LAMA2: variants seen among roughly 807,000 people sequenced by gnomAD.
The protein encoded by LAMA2 is laminin subunit alpha 2.
A neutral mutation model predicts 364.8 loss-of-function variants in LAMA2; 269 were observed. The ratio of observed to expected loss-of-function variants is 0.74; its 90% confidence interval spans 0.67 to 0.82. The LOEUF (loss-of-function observed/expected upper bound fraction) is 0.82. Ranked by LOEUF, LAMA2 falls within the 40% of genes least tolerant of loss-of-function variation. The pLI is 0.00. For synonymous variants in LAMA2, 1,379 were observed against 1,370.6 expected, an observed-to-expected ratio of 1.01 and a Z score of -0.14; for missense variants, 3,807 against 3,873.2, an observed-to-expected ratio of 0.98 and a Z score of 0.45.
intron 55 of LAMA2, 68 bp downstream of exon 55, chr6:129,481,507 T>A: frequency 7.7e-7 from 1 of 1,306,396 alleles, no homozygotes; most frequent in Non-Finnish European, 1.1e-6. Context: ...CTTACTTTTG[T>A]ATTTTTAGTT....
intron 22 of LAMA2, among the ~76,000 whole-genome samples, chr6:129,312,349 C>T (rs1774280465): frequency 2.0e-5 from 3 of 152,038 alleles, no homozygotes; most frequent in Admixed American, 6.6e-5. Context: ...CCTTGGATTC[C>T]CCAAGTCTAG....
intron 1 of LAMA2, among the ~76,000 whole-genome samples, chr6:128,900,406 C>G (rs1362235205): frequency 1.3e-5 from 2 of 151,970 alleles, no homozygotes; most frequent in Admixed American, 1.3e-4. Context: ...GTGCCTGGCA[C>G]CTAGCATGGT....
chr6:129,119,710 G>C (rs1321169894), intron 4 of LAMA2, among the ~76,000 whole-genome samples: 1 of 152,048 alleles, frequency 6.6e-6, no homozygotes, highest in African/African-American at 2.4e-5. Flanking sequence ...ACCACGCCTG[G>C]CTAATTTTTT....
intron 36 of LAMA2, 135 bp downstream of exon 36, chr6:129,391,788 C>T: frequency 1.4e-6 from 1 of 694,468 alleles, no homozygotes; most frequent in Non-Finnish European, 2.5e-6. Context: ...GCTATGTTAT[C>T]TATCATCTAT....
intron 1 of LAMA2, among the ~76,000 whole-genome samples, chr6:129,022,999 AT>A (rs2114717911): frequency 6.6e-6 from 1 of 152,144 alleles, no homozygotes; most frequent in East Asian, 1.9e-4. Context: ...TTATATCTTG[AT>A]ATGTCACCCT....
At chr6:129,082,598 C>T (rs753226098) in intron 3 of LAMA2, among the ~76,000 whole-genome samples, 2 of 152,044 alleles carry the variant, frequency 1.3e-5, no homozygotes, top group Non-Finnish European at 2.9e-5. Flanking sequence ...CAAAATGAGA[C>T]TCTAATTTAT....
At chr6:129,489,838 A>C (rs1382758137) in intron 56 of LAMA2, among the ~76,000 whole-genome samples, 2 of 152,214 alleles carry the variant, frequency 1.3e-5, no homozygotes, top group Admixed American at 1.3e-4. Context: ...TGGTTTTAAA[A>C]AAAATCTTAA....
chr6:129,290,130 C>T (rs962572963), intron 19 of LAMA2, among the ~76,000 whole-genome samples: 24 of 151,890 alleles, frequency 1.6e-4, no homozygotes, highest in Admixed American at 2.6e-4. Context: ...GTTGTTTTTA[C>T]GATAACATTA....
At chr6:129,057,076 A>G (rs1366913753) in intron 2 of LAMA2, among the ~76,000 whole-genome samples, 1 of 152,156 alleles carries the variant, frequency 6.6e-6, no homozygotes, top group African/African-American at 2.4e-5. Flanking sequence ...AGATGATTTT[A>G]CTTTCTATCA....
chr6:129,217,309 T>C (rs1783492226), intron 12 of LAMA2, among the ~76,000 whole-genome samples: 1 of 152,180 alleles, frequency 6.6e-6, no homozygotes, highest in Admixed American at 6.5e-5. Context: ...CCCAACATGT[T>C]TTCTATAATC....
intron 1 of LAMA2, among the ~76,000 whole-genome samples, chr6:128,931,192 G>A (rs920672162): frequency 5.9e-5 from 9 of 152,116 alleles, no homozygotes; most frequent in Non-Finnish European, 8.8e-5. Flanking sequence ...TCAAACAAAA[G>A]AAATTTATCA....
chr6:129,171,239 C>T (rs1780130531), intron 9 of LAMA2, among the ~76,000 whole-genome samples: 1 of 152,050 alleles, frequency 6.6e-6, no homozygotes, highest in South Asian at 2.1e-4. Flanking sequence ...GGTTATTTTG[C>T]TCGTTAGTTG....
Position 129,121,715 on chromosome 6 carries a change from A to T in LAMA2, c.640-22186A>T, listed in dbSNP as rs1159178463. Among the ~76,000 whole-genome samples the T allele has an allele frequency of 3.9e-5, 6 of 152,210 alleles. No individual in the cohort carries two copies. The East Asian group carries it at 9.6e-4, about 24-fold the overall frequency. On this transcript the variant is annotated intron_variant, in intron 4 of 64. Coordinates refer to ENST00000421865, the MANE Select transcript of LAMA2 (RefSeq NM_000426.4). ...CTTATAAACAGGTTTTCAGAAATTA[A>T]TTATATTTATAGCCTCGAGAAACTA...
chr6:129,401,293 C>A lies in LAMA2; in HGVS notation c.5515C>A (p.Leu1839Ile), dbSNP rs1352301856. Residue 1839 changes from leucine (L) to isoleucine (I), a missense_variant, in exon 38 of 65, where the codon CTC becomes ATC. By Grantham distance (5) the Leu-to-Ile change is conservative. This residue lies in a region of LAMA2 where 3,333 missense variants were observed against 3,345.7 expected (regional missense o/e 1.00). Transcript: ENST00000421865. Reference sequence around the variant, plus strand: ...CACTTTAAAAGAGGGCAATGACATACTCGATGAAGCCAACCGTCTTGCAGA... The same window carrying A: ...CACTTTAAAAGAGGGCAATGACATAATCGATGAAGCCAACCGTCTTGCAGA... The part of the protein sequence containing the change: ...ENTLKEGNDI[L>I]DEANRLADEI... The A allele has an allele frequency of 1.2e-6, 2 of 1,612,902 alleles. No individual in the cohort carries two copies. Among genetic ancestry groups the A allele is most frequent in the South Asian group, 2.2e-5 (2 of 91,044 alleles).
rs190134397 is a variant in LAMA2 at position 129,236,930 on chromosome 6, A to G, written c.1783-13182A>G. ...ATATGTATCTATGATTGTGTATTTCATTGAATGAATGCACTCAAACGTGTT... is the reference window on the plus strand; with the variant it reads ...ATATGTATCTATGATTGTGTATTTCGTTGAATGAATGCACTCAAACGTGTT... On this transcript the variant is annotated intron_variant, in intron 12 of 64. Transcript: ENST00000421865. 1.1e-3 allele frequency among the ~76,000 whole-genome samples: 163 copies of G among 152,300 alleles called. 1 individual carries two copies. Among genetic ancestry groups the G allele is most frequent in the African/African-American group, 3.7e-3 (152 of 41,568 alleles).
chr6:129,491,122 T>A (rs1784840388), intron 56 of LAMA2: 1 of 152,200 alleles, frequency 6.6e-6, no homozygotes, highest in South Asian at 2.1e-4. Flanking sequence ...GGCTAGTGAC[T>A]AATGCTTATG....
rs776065468 is a variant in LAMA2 at position 129,464,323 on chromosome 6, A to T, written c.7026A>T (p.Gln2342His). 2 of 1,612,232 alleles carry T rather than the reference A, an allele frequency of 1.2e-6. No homozygotes were observed. Among genetic ancestry groups the T allele is most frequent in the East Asian group, 4.5e-5 (2 of 44,814 alleles). Residue 2342 changes from glutamine (Q) to histidine (H), a missense_variant, in exon 50 of 65, where the codon CAA (glutamine) becomes CAT (histidine). Physicochemically the swap from Gln to His is conservative, Grantham distance 24 (BLOSUM62 0). This residue lies in a region of LAMA2 where 3,333 missense variants were observed against 3,345.7 expected (regional missense o/e 1.00). Coordinates refer to ENST00000421865, the MANE Select transcript of LAMA2 (RefSeq NM_000426.4). ...TGGAAGATAGTGAGGGGACTATTCA[A>T]TTTGATGGAGAAGGTTATGCATTGG... ...PQVEDSEGTI[Q>H]FDGEGYALVS... is the part of the protein sequence containing the mutation.
rs886039896 is a variant in LAMA2 at position 129,505,317 on chromosome 6, G to A, written c.8665G>A (p.Gly2889Arg). ...TGTCGTGGGAATGCTGTATGTTGGTGGGTTACCCATCAACTACACTACCCG... is the reference window on the plus strand; with the variant it reads ...TGTCGTGGGAATGCTGTATGTTGGTAGGTTACCCATCAACTACACTACCCG... ...LDVVGMLYVG[G>R]LPINYTTRRI... The change falls in exon 61 of 65, where the codon GGG (glycine) becomes AGG (arginine). Residue 2889 changes from glycine to arginine, a missense_variant. Around this residue, in one of 3 missense-constraint regions of LAMA2, gnomAD observed 3,333 missense variants for 3,345.7 expected, o/e 1.00. Coordinates refer to ENST00000421865, the MANE Select transcript of LAMA2 (RefSeq NM_000426.4). 6.2e-7 allele frequency: 1 copy of A among 1,613,928 alleles called. No homozygotes were observed.
At position 129,004,536 on chromosome 6, in the gene LAMA2, C is replaced by T. The variant is rs990405488; in HGVS notation, c.113-45382C>T. Among the ~76,000 whole-genome samples, 16 of 151,898 alleles carry T rather than the reference C, an allele frequency of 1.1e-4. No homozygotes were observed. The East Asian group carries it at 2.1e-3, about 20-fold the overall frequency. On this transcript the variant is annotated intron_variant, in intron 1 of 64. Coordinates refer to ENST00000421865, the MANE Select transcript of LAMA2 (RefSeq NM_000426.4). ...TGGGAAATTTAGCCAGCATGTATTT[C>T]CACAATACAGGGATAGTTTTTGTTC...
Sources: gnomAD v4.1 joint callset for allele counts (sites outside exome capture counted in the v4.1 genomes callset) on GRCh38, gnomAD v4.1.1 for gene constraint, gnomAD v4.1.1 regional missense constraint, MANE v1.5 for transcripts, NCBI Gene and HGNC (gene_info 2026-07-23, HGNC 2026-07-21) for gene names.